Variants in GRPEL1 observed in about 807,000 individuals in gnomAD.
The protein encoded by GRPEL1 is grpE protein homolog 1, mitochondrial.
GRPEL1 carries 13 observed loss-of-function variants against 22.1 expected under a neutral mutation model. The ratio of observed to expected loss-of-function variants is 0.59; its 90% CI spans 0.38 to 0.94. GRPEL1 has a LOEUF of 0.94. Among genes scored for constraint, GRPEL1 ranks in the 40% least tolerant of loss-of-function variants. GRPEL1 has a pLI of 0.00. For synonymous variants in GRPEL1, 109 were observed against 105.3 expected (o/e 1.03, Z -0.21); for missense variants, 289 against 264.6 (o/e 1.09, Z -0.64).
rs1050510406 is a variant in GRPEL1 at position 7,060,684 on chromosome 4, C to T, written c.*178G>A. The T allele has an allele frequency of 7.8e-6, 5 of 641,356 alleles. No homozygotes were observed. The East Asian group carries it at 1.3e-4, about 17-fold the overall frequency. 39.7% of individuals were successfully genotyped at this position (641,356 alleles called of 1,614,324 possible). ...GCGTGGCACTAAAAGGGAACAGACT[C>T]CCGAATTAGAGTTCATTAATGCAGT... On this transcript the variant is annotated 3_prime_UTR_variant, in exon 4 of 4. Transcript: ENST00000264954.
At chr4:7,067,697 C>T (rs1031463522) in intron 1 of GRPEL1, 4 of 526,012 alleles carry the variant, frequency 7.6e-6, no homozygotes, top group Non-Finnish European at 1.3e-5. Flanking sequence ...ACGTGGGCCA[C>T]CGTACCTTCC....
At chr4:7,063,157 T>C (rs1349645222) in intron 2 of GRPEL1, among the ~76,000 whole-genome samples, 1 of 151,100 alleles carries the variant, frequency 6.6e-6, no homozygotes, top group Non-Finnish European at 1.5e-5. Context: ...TGGTGTAATC[T>C]CGGCTCACTG....
At chr4:7,062,244 A>G (rs1247080379) in intron 3 of GRPEL1, 141 bp downstream of exon 3, 1 of 451,972 alleles carries the variant, frequency 2.2e-6, no homozygotes, top group Non-Finnish European at 4.1e-6. Flanking sequence ...TTGAGCCATC[A>G]TAAAAAAAAA....
rs1456969058 is a variant in GRPEL1 at position 7,058,972 on chromosome 4, A to G, written c.*1890T>C. 1 of 152,274 alleles carries G rather than the reference A, an allele frequency of 6.6e-6. No homozygotes were observed. Among genetic ancestry groups the G allele is most frequent in the Admixed American group, 6.5e-5 (1 of 15,288 alleles). The allele number at this position is 152,274 out of a possible 1,614,324, so 9.4% of individuals were successfully genotyped here. On this transcript the variant is annotated 3_prime_UTR_variant, in exon 4 of 4. Transcript: ENST00000264954. ...TACCATTGTGTTAACAGTTGCCTACAGTATCAGTACAGTAACGTGCCCTCC... is the reference window on the plus strand; with the variant it reads ...TACCATTGTGTTAACAGTTGCCTACGGTATCAGTACAGTAACGTGCCCTCC...
At chr4:7,066,417 T>A (rs1724170146) in intron 1 of GRPEL1, among the ~76,000 whole-genome samples, 1 of 152,194 alleles carries the variant, frequency 6.6e-6, no homozygotes, top group South Asian at 2.1e-4. Context: ...TACAGAGAAA[T>A]ACACAAAACA....
At chr4:7,065,686 A>T (rs4689586) in intron 1 of GRPEL1, among the ~76,000 whole-genome samples, 1 of 151,850 alleles carries the variant, frequency 6.6e-6, no homozygotes, top group Non-Finnish European at 1.5e-5. Flanking sequence ...GGATAGATGC[A>T]GCTTCAGGAA....
rs1423615709 is a variant in GRPEL1 at position 7,061,103 on chromosome 4, T to C, written c.413A>G (p.Lys138Arg). 2 of 1,614,240 alleles carry C rather than the reference T, an allele frequency of 1.2e-6. No individual in the cohort carries two copies. The highest frequency in any genetic ancestry group is 3.3e-5 in the Admixed American group (2 of 60,028). ...EEIKDDNPHL[K>R]NLYEGLVMTE... ...CATGACCAGCCCCTCATAGAGGTTCTTCAGGTGAGGGTTATCGTCTTTAAT... is the reference window on the plus strand; with the variant it reads ...CATGACCAGCCCCTCATAGAGGTTCCTCAGGTGAGGGTTATCGTCTTTAAT... The change falls in exon 4 of 4, where the codon AAG becomes AGG. Residue 138 changes from lysine (K) to arginine (R), a missense_variant. Coordinates refer to ENST00000264954, the MANE Select transcript of GRPEL1 (RefSeq NM_025196.4).
In GRPEL1 at chr4:7,059,367, C is replaced by G. The variant is rs1450087633; in HGVS notation, c.*1495G>C. ...GACGGTAGGAGACTGCAAACATTCA[C>G]AGAAATGAGTTGATAAATTACTTTT... On this transcript the variant is annotated 3_prime_UTR_variant, in exon 4 of 4. Coordinates refer to ENST00000264954, the MANE Select transcript of GRPEL1 (RefSeq NM_025196.4). 1 of 152,196 alleles carries G rather than the reference C, an allele frequency of 6.6e-6. No homozygotes were observed. The highest frequency in any genetic ancestry group is 1.5e-5 in the Non-Finnish European group (1 of 68,042). 9.4% of individuals were successfully genotyped at this position (152,196 alleles called of 1,614,324 possible). A position where few individuals can be genotyped will look rare whatever the true frequency, so the allele number is the denominator to read the frequency against.
intron 1 of GRPEL1, among the ~76,000 whole-genome samples, 167 bp downstream of exon 1, chr4:7,067,804 G>C (rs1181622724): frequency 6.6e-6 from 1 of 152,242 alleles, no homozygotes; most frequent in Non-Finnish European, 1.5e-5. Context: ...TGGCAGCAGA[G>C]CAGGCCCCAG....
At chr4:7,064,781 G>A (rs1049983266) in intron 1 of GRPEL1, among the ~76,000 whole-genome samples, 11 of 152,128 alleles carry the variant, frequency 7.2e-5, no homozygotes, top group African/African-American at 2.7e-4. Context: ...TTACAGGCGT[G>A]AGCCACCGCG....
intron 1 of GRPEL1, among the ~76,000 whole-genome samples, chr4:7,065,638 G>C (rs796453137): frequency 6.6e-6 from 1 of 152,120 alleles, no homozygotes; most frequent in East Asian, 1.9e-4. Flanking sequence ...TGTAGGATAG[G>C]TAAGAGTTAC....
Position 7,060,855 on chromosome 4 carries a change from A to C in GRPEL1, c.*7T>G, listed in dbSNP as rs1172442153. ...GAGTTTAAAAACACCCACCCCATCA[A>C]CAGCAGCTAAGCTTCCTTCACCACC... On this transcript the variant is annotated 3_prime_UTR_variant, in exon 4 of 4. Coordinates refer to ENST00000264954, the MANE Select transcript of GRPEL1 (RefSeq NM_025196.4). 2 of 1,602,844 alleles carry C rather than the reference A, an allele frequency of 1.2e-6. No homozygotes were observed. The highest frequency in any genetic ancestry group is 1.1e-5 in the South Asian group (1 of 89,760).
At chr4:7,067,917 C>T (rs1724214467) in intron 1 of GRPEL1, 54 bp downstream of exon 1, 2 of 1,578,960 alleles carry the variant, frequency 1.3e-6, no homozygotes, top group Non-Finnish European at 1.7e-6. Context: ...AGGCCCCCAT[C>T]GGAGCGGGAG....
At chr4:7,062,346 C>T (rs367929942) in intron 3 of GRPEL1, 39 bp downstream of exon 3, 1 of 1,082,916 alleles carries the variant, frequency 9.2e-7, no homozygotes, top group Non-Finnish European at 1.4e-6. Flanking sequence ...ACCCCATTAT[C>T]TTCTTTCCGG....
In GRPEL1 at chr4:7,060,939, G is replaced by C; in HGVS notation, c.577C>G (p.Leu193Val). 1 of 1,614,186 alleles carries C rather than the reference G, an allele frequency of 6.2e-7. No homozygotes were observed. The highest frequency in any genetic ancestry group is 8.5e-7 in the Non-Finnish European group (1 of 1,180,040). ...VEGKEPGTVA[L>V]VSKVGYKLHG... ...AGCTTGTACCCCACTTTGCTAACTAGGGCCACTGTGCCTGGCTCCTTCCCC... is the reference window on the plus strand; with the variant it reads ...AGCTTGTACCCCACTTTGCTAACTACGGCCACTGTGCCTGGCTCCTTCCCC... Residue 193 changes from leucine to valine, a missense_variant, in exon 4 of 4, where the codon CTA (leucine) becomes GTA (valine). Coordinates refer to ENST00000264954, the MANE Select transcript of GRPEL1 (RefSeq NM_025196.4).
At chr4:7,066,078 G>A (rs1425105323) in intron 1 of GRPEL1, among the ~76,000 whole-genome samples, 1 of 152,016 alleles carries the variant, frequency 6.6e-6, no homozygotes, top group Non-Finnish European at 1.5e-5. Flanking sequence ...GGATGGTCTA[G>A]GATCTCCTGA....
chr4:7,060,133 G>A lies in GRPEL1; in HGVS notation c.*729C>T, dbSNP rs776889216. 2.6e-5 allele frequency: 4 copies of A among 152,298 alleles called. No homozygotes were observed. Among genetic ancestry groups the A allele is most frequent in the East Asian group, 1.9e-4 (1 of 5,190 alleles). The allele number at this position is 152,298 out of a possible 1,614,324, so 9.4% of individuals were successfully genotyped here. On this transcript the variant is annotated 3_prime_UTR_variant, in exon 4 of 4. Transcript: ENST00000264954. Reference sequence around the variant, plus strand: ...CATTAACATTTAAAGTACACCAAGCGTGCAGTCCTATTTTGAGAAAGTCCA... The same window carrying A: ...CATTAACATTTAAAGTACACCAAGCATGCAGTCCTATTTTGAGAAAGTCCA...
intron 1 of GRPEL1, among the ~76,000 whole-genome samples, chr4:7,066,358 AC>A (rs746267731): frequency 6.6e-6 from 1 of 152,228 alleles, no homozygotes; most frequent in East Asian, 1.9e-4. Context: ...AATGAGTTAA[AC>A]TGCCATTTAT....
In GRPEL1 at chr4:7,060,903, T is replaced by C. The variant is rs1433842629; in HGVS notation, c.613A>G (p.Thr205Ala). Residue 205 changes from threonine (T) to alanine (A), a missense_variant, in exon 4 of 4, where the codon ACT (threonine) becomes GCT (alanine). Transcript: ENST00000264954. Reference protein sequence around the residue: ...SKVGYKLHGRTLRPALVGVVK... With the variant: ...SKVGYKLHGRALRPALVGVVK... Reference sequence around the variant, plus strand: ...ACCCCCACCAGGGCGGGTCTCAGAGTGCGCCCATGCAGCTTGTACCCCACT... The same window carrying C: ...ACCCCCACCAGGGCGGGTCTCAGAGCGCGCCCATGCAGCTTGTACCCCACT... The C allele has an allele frequency of 1.9e-6, 3 of 1,613,894 alleles. No homozygotes were observed. Among genetic ancestry groups the C allele is most frequent in the Non-Finnish European group, 1.7e-6 (2 of 1,179,980 alleles).
Sources: allele counts gnomAD v4.1 joint callset (sites outside exome capture counted in the v4.1 genomes callset), GRCh38; gene constraint gnomAD v4.1.1; transcripts MANE v1.5; gene names NCBI Gene and HGNC (gene_info 2026-07-23, HGNC 2026-07-21).